Variants in SPAG16 observed in about 807,000 individuals in gnomAD.
SPAG16 encodes sperm associated antigen 16.
A neutral mutation model predicts 80.4 loss-of-function variants in SPAG16; 86 were observed. That is an observed-to-expected ratio of 1.07 (90% CI 0.90 to 1.28). SPAG16 has a LOEUF of 1.28. Ranked by LOEUF, SPAG16 falls within the 50% of genes most tolerant of loss-of-function variation. The pLI is 0.00. For synonymous variants in SPAG16, 294 were observed against 265.9 expected (o/e 1.11, Z -1.03); for missense variants, 870 against 765.3 (o/e 1.14, Z -1.61).
chr2:213,723,953 T>C (rs545097703), intron 10 of SPAG16, among the ~76,000 whole-genome samples: 2 of 152,320 alleles, frequency 1.3e-5, no homozygotes, highest in East Asian at 1.9e-4. Context: ...CTTGCTTCTT[T>C]CTTTGGCATG....
chr2:214,224,453 A>G (rs2058655235), intron 15 of SPAG16, among the ~76,000 whole-genome samples: 1 of 152,210 alleles, frequency 6.6e-6, no homozygotes, highest in South Asian at 2.1e-4. Context: ...ATTTTGATGT[A>G]TAAGTACAAT....
Position 213,703,573 on chromosome 2 carries a change from G to A in SPAG16, c.1071-158912G>A, listed in dbSNP as rs117811382. On this transcript the variant is annotated intron_variant, in intron 10 of 15. Coordinates refer to ENST00000331683, the MANE Select transcript of SPAG16 (RefSeq NM_024532.5). ...TCATGCTCCTGGCTAGGAATCAAAC[G>A]GCTCTTACCATATGTGGCAGACACC... Among the ~76,000 whole-genome samples, 24 of 152,214 alleles carry A rather than the reference G, an allele frequency of 1.6e-4. No homozygotes were observed. The East Asian group carries it at 1.7e-3, about 11-fold the overall frequency.
intron 15 of SPAG16, among the ~76,000 whole-genome samples, chr2:214,153,846 G>T (rs1576364733): frequency 6.6e-6 from 1 of 151,990 alleles, no homozygotes; most frequent in Non-Finnish European, 1.5e-5. Flanking sequence ...TTTTCCTGTT[G>T]CTGTAAAAAA....
intron 15 of SPAG16, among the ~76,000 whole-genome samples, chr2:214,357,242 C>T (rs980038364): frequency 6.6e-6 from 1 of 151,712 alleles, no homozygotes; most frequent in Non-Finnish European, 1.5e-5. Context: ...AAGATTGGTG[C>T]TTTTTATCAA....
chr2:214,314,509 G>A (rs1035702786), intron 15 of SPAG16, among the ~76,000 whole-genome samples: 4 of 152,194 alleles, frequency 2.6e-5, no homozygotes, highest in South Asian at 2.1e-4. Context: ...CCTACAGTCA[G>A]TCTCTGTGGG....
At chr2:213,773,406 T>G (rs887764695) in intron 10 of SPAG16, among the ~76,000 whole-genome samples, 2 of 152,206 alleles carry the variant, frequency 1.3e-5, no homozygotes, top group Admixed American at 1.3e-4. Flanking sequence ...GAAATTTCAT[T>G]ACATGTATAC....
At chr2:213,816,207 A>G (rs1046547963) in intron 10 of SPAG16, among the ~76,000 whole-genome samples, 17 of 152,122 alleles carry the variant, frequency 1.1e-4, no homozygotes, top group African/African-American at 4.1e-4. Context: ...TTAAAATAGT[A>G]TTTTGTGTGA....
rs2076829403 is a variant in SPAG16, at chr2:213,552,923, A to G, written c.1070+62833A>G. Among the ~76,000 whole-genome samples the G allele has an allele frequency of 2.6e-5, 4 of 150,986 alleles. 1 individual carries two copies. Among genetic ancestry groups the G allele is most frequent in the African/African-American group, 9.8e-5 (4 of 41,000 alleles). Reference sequence around the variant, plus strand: ...AAACATCAAATTCTTTGGCTTTTGGACTCTTGGACCTACACCAGTGGTTTG... The same window carrying G: ...AAACATCAAATTCTTTGGCTTTTGGGCTCTTGGACCTACACCAGTGGTTTG... On this transcript the variant is annotated intron_variant, in intron 10 of 15. Transcript: ENST00000331683.
chr2:214,405,544 C>A (rs888369734), intron 15 of SPAG16, among the ~76,000 whole-genome samples: 1 of 152,056 alleles, frequency 6.6e-6, no homozygotes, highest in Non-Finnish European at 1.5e-5. Context: ...GCCTGTAATC[C>A]CAACACTTTG....
At chr2:214,268,339 TG>T (rs1691741654) in intron 15 of SPAG16, among the ~76,000 whole-genome samples, 1 of 151,940 alleles carries the variant, frequency 6.6e-6, no homozygotes, top group African/African-American at 2.4e-5. Context: ...GTTGAAGAGT[TG>T]TCTGCACTCC....
chr2:213,628,414 G>C (rs1361439125), intron 10 of SPAG16, among the ~76,000 whole-genome samples: 1 of 152,132 alleles, frequency 6.6e-6, no homozygotes, highest in African/African-American at 2.4e-5. Flanking sequence ...TTTATGTAGA[G>C]GGAATTTAGT....
At chr2:213,530,433 CATT>C (rs555412995) in intron 10 of SPAG16, among the ~76,000 whole-genome samples, 2 of 152,128 alleles carry the variant, frequency 1.3e-5, no homozygotes, top group Non-Finnish European at 2.9e-5. Context: ...ACTGAAATGT[CATT>C]ATGTAGCGCA....
intron 10 of SPAG16, among the ~76,000 whole-genome samples, chr2:213,776,835 C>T (rs866497219): frequency 3.9e-5 from 5 of 126,956 alleles, no homozygotes; most frequent in Admixed American, 1.7e-4. Flanking sequence ...CACCCCCCCC[C>T]CACCCCAGGA....
chr2:214,012,022 T>C (rs892805028), intron 12 of SPAG16, among the ~76,000 whole-genome samples: 3 of 151,674 alleles, frequency 2.0e-5, no homozygotes, highest in Non-Finnish European at 4.4e-5. Context: ...GGTAAATAAT[T>C]TCATTCACAC....
At chr2:213,507,953 A>G (rs111870265) in intron 10 of SPAG16, among the ~76,000 whole-genome samples, 1 of 152,228 alleles carries the variant, frequency 6.6e-6, no homozygotes, top group African/African-American at 2.4e-5. Context: ...TACTCATTTG[A>G]CTGGGGCAAG....
chr2:214,121,026 GTAGAACTCTCCGTCA>G (rs1211097783), intron 14 of SPAG16, among the ~76,000 whole-genome samples: 1 of 151,622 alleles, frequency 6.6e-6, no homozygotes, highest in African/African-American at 2.4e-5. Context: ...AGATGCAGAA[GTAGAACTCTCCGTCA>G]TAGCTAGCAA....
intron 10 of SPAG16, among the ~76,000 whole-genome samples, chr2:213,597,961 G>T (rs2060938505): frequency 6.6e-6 from 1 of 152,108 alleles, no homozygotes; most frequent in East Asian, 1.9e-4. Flanking sequence ...ACATTTAAAA[G>T]TCTGAAACAT....
chr2:213,670,973 G>T (rs1226446174), intron 10 of SPAG16, among the ~76,000 whole-genome samples: 1 of 152,058 alleles, frequency 6.6e-6, no homozygotes, highest in Non-Finnish European at 1.5e-5. Flanking sequence ...CTACAAATCA[G>T]GAACCATCAC....
chr2:213,375,643 G>C (rs2066849230), intron 9 of SPAG16, among the ~76,000 whole-genome samples: 1 of 151,964 alleles, frequency 6.6e-6, no homozygotes, highest in African/African-American at 2.4e-5. Context: ...GATCAAAAAT[G>C]AAGAAAATTA....
Sources: allele counts gnomAD v4.1 joint callset (sites outside exome capture counted in the v4.1 genomes callset), GRCh38; gene constraint gnomAD v4.1.1; transcripts MANE v1.5; gene names NCBI Gene and HGNC (gene_info 2026-07-23, HGNC 2026-07-21).